Variants in ZRANB3 observed in about 807,000 individuals in gnomAD.
ZRANB3 encodes DNA annealing helicase and endonuclease ZRANB3.
A neutral mutation model predicts 133.8 loss-of-function variants in ZRANB3; 125 were observed. The ratio of observed to expected loss-of-function variants is 0.93; its 90% confidence interval spans 0.81 to 1.08. The LOEUF is 1.08. ZRANB3 is among the 50% of genes least tolerant of loss of function. The pLI, the probability that ZRANB3 is intolerant of heterozygous loss-of-function variation, is 0.00. For missense variants in ZRANB3, 1,229 were observed against 1,275.5 expected (o/e 0.96, Z 0.56); for synonymous variants, 387 against 432.7 (o/e 0.89, Z 1.31).
chr2:135,479,040 G>A (rs1483946022), intron 2 of ZRANB3, among the ~76,000 whole-genome samples: 1 of 151,554 alleles, frequency 6.6e-6, no homozygotes, highest in Non-Finnish European at 1.5e-5. Context: ...CAAAGTAGTT[G>A]TGCCAATTTC....
intron 8 of ZRANB3, among the ~76,000 whole-genome samples, chr2:135,312,611 A>C (rs1683050729): frequency 6.6e-6 from 1 of 152,198 alleles, no homozygotes; most frequent in Admixed American, 6.5e-5. Flanking sequence ...AATGTGAGCA[A>C]AATTACCTCT....
At chr2:135,437,854 A>C (rs900282419) in intron 2 of ZRANB3, among the ~76,000 whole-genome samples, 1 of 152,160 alleles carries the variant, frequency 6.6e-6, no homozygotes, top group Non-Finnish European at 1.5e-5. Context: ...GTCTGTGAGG[A>C]TGTTTCCAGA....
chr2:135,388,687 T>A (rs966876029), intron 3 of ZRANB3, among the ~76,000 whole-genome samples: 1 of 152,226 alleles, frequency 6.6e-6, no homozygotes, highest in Non-Finnish European at 1.5e-5. Context: ...TTCATATTTC[T>A]ATTTGTTGAA....
At chr2:135,486,151 A>C (rs547073286) in intron 2 of ZRANB3, among the ~76,000 whole-genome samples, 1 of 152,338 alleles carries the variant, frequency 6.6e-6, no homozygotes, top group Admixed American at 6.5e-5. Flanking sequence ...CTTATGCCAC[A>C]TCAATTGACT....
intron 1 of ZRANB3, among the ~76,000 whole-genome samples, chr2:135,509,746 T>C (rs1480546307): frequency 2.0e-5 from 3 of 152,174 alleles, no homozygotes; most frequent in Admixed American, 1.3e-4. Flanking sequence ...TATACCACAA[T>C]ATAAATTTCA....
intron 2 of ZRANB3, among the ~76,000 whole-genome samples, chr2:135,447,542 C>T (rs144133404): frequency 1.3e-5 from 2 of 152,196 alleles, no homozygotes; most frequent in African/African-American, 4.8e-5. Flanking sequence ...GGACAGTCTC[C>T]CTCTTTCAAA....
chr2:135,343,021 A>C (rs1684758793), intron 6 of ZRANB3, among the ~76,000 whole-genome samples: 1 of 145,550 alleles, frequency 6.9e-6, no homozygotes, highest in Non-Finnish European at 1.5e-5. Context: ...AAAAAAAAAA[A>C]AAAAAAAAAA....
chr2:135,215,942 T>C (rs1463635902), intron 17 of ZRANB3, among the ~76,000 whole-genome samples: 2 of 152,032 alleles, frequency 1.3e-5, no homozygotes, highest in Admixed American at 6.6e-5. Flanking sequence ...CTCCAGACAC[T>C]ACCATCCTAC....
At chr2:135,440,067 C>T (rs759683872) in intron 2 of ZRANB3, among the ~76,000 whole-genome samples, 10 of 152,182 alleles carry the variant, frequency 6.6e-5, no homozygotes, top group Non-Finnish European at 1.5e-4. Flanking sequence ...CAGAACCAAG[C>T]TGTGCTCTCA....
intron 12 of ZRANB3, among the ~76,000 whole-genome samples, chr2:135,239,412 A>G (rs1695450745): frequency 7.0e-5 from 1 of 14,266 alleles, no homozygotes; most frequent in Admixed American, 1.8e-3. Context: ...CACAGTATAA[A>G]AAATCAAAAA....
rs113204285 is a variant in ZRANB3 at position 135,344,950 on chromosome 2, A to G, written c.677+600T>C. On this transcript the variant is annotated intron_variant, in intron 6 of 20. Transcript: ENST00000264159. ...AAAGGGTATCTTCAGAAGGATACAC[A>G]ATAAAGTGCCAACACTGCTTACATG... is the stretch of plus-strand genomic sequence containing the variant. Among the ~76,000 whole-genome samples, 201 of 152,316 alleles carry G rather than the reference A, an allele frequency of 1.3e-3. 3 individuals carry two copies. The highest frequency in any genetic ancestry group is 4.7e-3 in the African/African-American group (196 of 41,568).
chr2:135,202,753 T>C, intron 20 of ZRANB3, 79 bp downstream of exon 20: 1 of 1,475,068 alleles, frequency 6.8e-7, no homozygotes, highest in Non-Finnish European at 9.1e-7. Flanking sequence ...TTCATCCACA[T>C]AATCTTCCAC....
chr2:135,435,205 T>G (rs1689481375), intron 2 of ZRANB3, among the ~76,000 whole-genome samples: 1 of 152,136 alleles, frequency 6.6e-6, no homozygotes, highest in African/African-American at 2.4e-5. Context: ...TTATAAGTTC[T>G]TATCATTTCG....
At position 135,200,109 on chromosome 2, in the gene ZRANB3, G is replaced by A. The variant is rs1693558471; in HGVS notation, c.*233C>T. On this transcript the variant is annotated 3_prime_UTR_variant, in exon 21 of 21. Coordinates refer to ENST00000264159, the MANE Select transcript of ZRANB3 (RefSeq NM_032143.4). The stretch of plus-strand genomic sequence containing the variant: ...CAAAACATTGCTGAAACATAATTGC[G>A]AGTCTGAATCAAATCAAAAAGACCA... The A allele has an allele frequency of 5.1e-6, 3 of 591,934 alleles. No homozygotes were observed. The highest frequency in any genetic ancestry group is 1.9e-5 in the African/African-American group (1 of 53,444). 36.7% of individuals were successfully genotyped at this position (591,934 alleles called of 1,614,324 possible). A position where few individuals can be genotyped will look rare whatever the true frequency, so the allele number is the denominator to read the frequency against.
chr2:135,467,135 T>A (rs1379622068), intron 2 of ZRANB3, among the ~76,000 whole-genome samples: 2 of 152,310 alleles, frequency 1.3e-5, no homozygotes, highest in East Asian at 3.9e-4. Context: ...TGGCTTAATG[T>A]GTATTTCTCT....
At chr2:135,259,312 G>A (rs1180009594) in intron 12 of ZRANB3, among the ~76,000 whole-genome samples, 1 of 100,022 alleles carries the variant, frequency 1.0e-5, no homozygotes, top group Non-Finnish European at 1.8e-5. Flanking sequence ...AAGAGCCACC[G>A]CTCTGGCCTG....
chr2:135,528,410 A>C (rs1375306342), intron 1 of ZRANB3, among the ~76,000 whole-genome samples: 2 of 152,164 alleles, frequency 1.3e-5, no homozygotes, highest in South Asian at 2.1e-4. Context: ...GACATCTTAA[A>C]GTGCTGGGAT....
intron 2 of ZRANB3, among the ~76,000 whole-genome samples, chr2:135,399,569 G>C (rs1031809258): frequency 3.3e-5 from 5 of 152,100 alleles, no homozygotes; most frequent in Non-Finnish European, 5.9e-5. Flanking sequence ...TAAGAGAAGG[G>C]CATACAAGGT....
At chr2:135,525,740 C>G (rs1004088284) in intron 1 of ZRANB3, among the ~76,000 whole-genome samples, 1 of 150,622 alleles carries the variant, frequency 6.6e-6, no homozygotes, top group African/African-American at 2.4e-5. Flanking sequence ...CCCAGCTACT[C>G]GAGACAGTGA....
Sources: gnomAD v4.1 joint callset for allele counts (sites outside exome capture counted in the v4.1 genomes callset) on GRCh38, gnomAD v4.1.1 for gene constraint, MANE v1.5 for transcripts, NCBI Gene and HGNC (gene_info 2026-07-23, HGNC 2026-07-21) for gene names.